The following OTULIN variants were observed in gnomAD, a reference collection of about 807,000 sequenced individuals.
The protein encoded by OTULIN is OTU deubiquitinase with linear linkage specificity.
OTULIN carries 15 observed loss-of-function variants against 39.6 expected under a neutral mutation model. The observed-to-expected ratio is 0.38, with a 90% confidence interval of 0.25 to 0.58. The LOEUF is 0.58. Ranked by LOEUF, OTULIN falls within the 20% of genes least tolerant of loss-of-function variation. The pLI is 0.66. For missense variants in OTULIN, 319 were observed against 445.9 expected (o/e 0.72, Z 2.56); for synonymous variants, 156 against 170.3 (o/e 0.92, Z 0.65).
chr5:14,712,965 C>G, the OTULIN span: 1 of 1,613,028 alleles, frequency 6.2e-7, no homozygotes, highest in Non-Finnish European at 8.5e-7. Context: ...CAGGGTCGCA[C>G]CGTGCACCCT....
chr5:14,664,779 C>T lies in OTULIN; in HGVS notation c.-47C>T. ...GCCTGGCACCCCGACGGGAGGGGCTCCGGATCGTTCGGAGCCGGCTGAACC... is the reference window on the plus strand; with the variant it reads ...GCCTGGCACCCCGACGGGAGGGGCTTCGGATCGTTCGGAGCCGGCTGAACC... On this transcript the variant is annotated 5_prime_UTR_variant, in exon 1 of 7. Transcript: ENST00000284274. The T allele has an allele frequency of 8.7e-7, 1 of 1,148,176 alleles. No individual in the cohort carries two copies. Among genetic ancestry groups the T allele is most frequent in the Non-Finnish European group, 1.1e-6 (1 of 932,816 alleles). 71.1% of individuals were successfully genotyped at this position (1,148,176 alleles called of 1,614,324 possible). A position where few individuals can be genotyped will look rare whatever the true frequency, so the allele number is the denominator to read the frequency against.
chr5:14,701,696 C>T (rs1212396439), downstream of OTULIN, among the ~76,000 whole-genome samples: 1 of 152,192 alleles, frequency 6.6e-6, no homozygotes, highest in Non-Finnish European at 1.5e-5. Flanking sequence ...CAGAAGGAGG[C>T]CGGGTGCCAT....
chr5:14,680,747 G>A (rs1462075206), intron 3 of OTULIN, among the ~76,000 whole-genome samples: 1 of 152,176 alleles, frequency 6.6e-6, no homozygotes, highest in East Asian at 1.9e-4. Context: ...TCCAGACTGA[G>A]CAAGAGTGAC....
At chr5:14,677,897 T>G (rs1736146247) in intron 2 of OTULIN, among the ~76,000 whole-genome samples, 1 of 152,248 alleles carries the variant, frequency 6.6e-6, no homozygotes, top group Non-Finnish European at 1.5e-5. Context: ...TAGTTCAGAC[T>G]GTCGCGTCTG....
At chr5:14,701,718 G>A (rs933082799), downstream of OTULIN, among the ~76,000 whole-genome samples, 3 of 152,146 alleles carry the variant, frequency 2.0e-5, no homozygotes, top group Non-Finnish European at 4.4e-5. Context: ...AGGAGTCCCC[G>A]TTTGGTGTGG....
At chr5:14,711,892 C>T in the OTULIN span, among the ~76,000 whole-genome samples, 1 of 152,050 alleles carries the variant, frequency 6.6e-6, no homozygotes, top group Non-Finnish European at 1.5e-5. Context: ...CACTGCAGAC[C>T]TTGCCATTAT....
chr5:14,676,797 G>T (rs1736115258), intron 2 of OTULIN, among the ~76,000 whole-genome samples: 1 of 152,158 alleles, frequency 6.6e-6, no homozygotes, highest in Non-Finnish European at 1.5e-5. Context: ...CTGGACATTC[G>T]CATTTCTTCC....
chr5:14,711,239 C>T, the OTULIN span: 1 of 1,614,136 alleles, frequency 6.2e-7, no homozygotes, highest in Admixed American at 1.7e-5. Flanking sequence ...CTGTCACCTC[C>T]TCTGTCGGAG....
At chr5:14,712,419 GCT>G in the OTULIN span, among the ~76,000 whole-genome samples, 2 of 152,244 alleles carry the variant, frequency 1.3e-5, no homozygotes, top group African/African-American at 4.8e-5. Flanking sequence ...CCTTGCGCAA[GCT>G]CTCGGACTGC....
intron 6 of OTULIN, 87 bp from the exon 7 acceptor site, chr5:14,692,767 C>T (rs1009708610): frequency 8.6e-7 from 1 of 1,158,530 alleles, no homozygotes; most frequent in East Asian, 2.4e-5. Flanking sequence ...CATTGCTGTG[C>T]ACTGTGGGAT....
At chr5:14,703,356 A>C (rs1227079662), downstream of OTULIN, among the ~76,000 whole-genome samples, 3 of 102,446 alleles carry the variant, frequency 2.9e-5, no homozygotes, top group Non-Finnish European at 4.0e-5. Flanking sequence ...AAAAAAAAAA[A>C]AAAAAAACTT....
the OTULIN span, chr5:14,711,156 CCTGA>C: frequency 3.5e-5 from 52 of 1,504,846 alleles, 1 homozygote; most frequent in Non-Finnish European, 4.4e-5. Context: ...GAAGTGTCAT[CCTGA>C]CTGACTGTCC....
chr5:14,712,897 C>T, the OTULIN span: 17 of 1,612,232 alleles, frequency 1.1e-5, no homozygotes, highest in Admixed American at 8.4e-5. Context: ...ACATAGCACG[C>T]AGCGATGGCG....
chr5:14,682,578 C>T (rs1736281393), intron 4 of OTULIN, among the ~76,000 whole-genome samples: 1 of 152,038 alleles, frequency 6.6e-6, no homozygotes, highest in Non-Finnish European at 1.5e-5. Flanking sequence ...CCCAGAAATG[C>T]TAGCCGTGGG....
At chr5:14,678,594 G>A (rs1579966425) in intron 2 of OTULIN, 87 bp from the exon 3 acceptor site, 1 of 928,298 alleles carries the variant, frequency 1.1e-6, no homozygotes, top group African/African-American at 1.7e-5. Context: ...AGAAAATGAA[G>A]AGTGAAGGGT....
chr5:14,682,673 A>G (rs1228154271), intron 4 of OTULIN, among the ~76,000 whole-genome samples: 2 of 152,348 alleles, frequency 1.3e-5, no homozygotes, highest in East Asian at 1.9e-4. Context: ...CCTGCATGAA[A>G]TGCGATGGCT....
At chr5:14,691,901 A>G (rs1736537489) in intron 6 of OTULIN, among the ~76,000 whole-genome samples, 1 of 152,230 alleles carries the variant, frequency 6.6e-6, no homozygotes, top group African/African-American at 2.4e-5. Flanking sequence ...GATTTCATCC[A>G]TATTGCACCA....
At chr5:14,666,795 C>T (rs1227476498) in intron 1 of OTULIN, among the ~76,000 whole-genome samples, 1 of 152,160 alleles carries the variant, frequency 6.6e-6, no homozygotes, top group East Asian at 1.9e-4. Context: ...ACTTTCTAGC[C>T]TTTTTCCATC....
chr5:14,714,098 G>A, the OTULIN span, among the ~76,000 whole-genome samples: 55 of 152,376 alleles, frequency 3.6e-4, no homozygotes, highest in African/African-American at 1.2e-3. Flanking sequence ...CCCTGCCTGC[G>A]GTCAGAGGTG....
Sources: allele counts gnomAD v4.1 joint callset (sites outside exome capture counted in the v4.1 genomes callset), GRCh38; gene constraint gnomAD v4.1.1; transcripts MANE v1.5; gene names NCBI Gene and HGNC (gene_info 2026-07-23, HGNC 2026-07-21).